The following NOTCH3 variants were observed in gnomAD, a reference collection of about 807,000 sequenced individuals.
NOTCH3 encodes notch receptor 3, also known as neurogenic locus notch homolog protein 3.
NOTCH3 carries 86 observed loss-of-function variants against 213.3 expected under a neutral mutation model. The observed-to-expected ratio is 0.40, with a 90% CI of 0.34 to 0.48. NOTCH3 has a LOEUF of 0.48. NOTCH3 is among the 20% of genes least tolerant of loss of function. The pLI, the probability that NOTCH3 is intolerant of heterozygous loss-of-function variation, is 0.57. For synonymous variants in NOTCH3, 1,354 were observed against 1,355.9 expected (o/e 1.00, Z 0.03); for missense variants, 2,783 against 3,272.6 (o/e 0.85, Z 3.65).
chr19:15,193,853 G>T (rs1025411696), intron 2 of NOTCH3, among the ~76,000 whole-genome samples: 2 of 151,634 alleles, frequency 1.3e-5, no homozygotes, highest in African/African-American at 4.9e-5. Context: ...GGAGACTGAG[G>T]TGGGCGGATC....
intron 12 of NOTCH3, among the ~76,000 whole-genome samples, chr19:15,186,403 G>T (rs2145431602): frequency 6.6e-6 from 1 of 150,722 alleles, no homozygotes; most frequent in Non-Finnish European, 1.5e-5. Flanking sequence ...GTGTGTGTGT[G>T]TGTGTGTGTG....
chr19:15,180,654 C>T (rs368598377), intron 19 of NOTCH3, 27 bp downstream of exon 19: 1 of 1,544,154 alleles, frequency 6.5e-7, no homozygotes, highest in Non-Finnish European at 8.7e-7. Flanking sequence ...CAAGGCCCCA[C>T]ACGCCCGCCC....
At position 15,197,544 on chromosome 19, in the gene NOTCH3, A is replaced by G; in HGVS notation, c.153T>C (p.Asn51=). The G allele has an allele frequency of 4.4e-6, 7 of 1,586,892 alleles. No homozygotes were observed. The highest frequency in any genetic ancestry group is 6.0e-6 in the Non-Finnish European group (7 of 1,165,710). Residue 51 remains asparagine (N), a synonymous_variant, in exon 2 of 33, where the codon AAT becomes AAC. Transcript: ENST00000263388. ...AGGGCAGCTGGGTGCAACGACCTCC[A>G]TTTGCACACGGGCTTCCGTCCAGGC... ...PPCLDGSPCA[N]GGRCTQLPSR...
chr19:15,186,737 T>C (rs2046884789), intron 12 of NOTCH3, 141 bp downstream of exon 12: 1 of 753,368 alleles, frequency 1.3e-6, no homozygotes, highest in Non-Finnish European at 2.3e-6. Context: ...CTTATGCCAA[T>C]GAGACAGCAC....
intron 25 of NOTCH3, among the ~76,000 whole-genome samples, chr19:15,172,086 G>A (rs1464899465): frequency 6.6e-6 from 1 of 152,144 alleles, no homozygotes; most frequent in Admixed American, 6.5e-5. Context: ...AGTATACACA[G>A]GGTTTCTCCA....
At position 15,191,548 on chromosome 19, in the gene NOTCH3, A is replaced by G. The variant is rs1372388350; in HGVS notation, c.912T>C (p.Asn304=). 6.2e-7 allele frequency: 1 copy of G among 1,613,608 alleles called. No homozygotes were observed. The highest frequency in any genetic ancestry group is 8.5e-7 in the Non-Finnish European group (1 of 1,180,030). Reference sequence around the variant, plus strand: ...GACTGCAGCTCTCGCCTGTCCAGCCATTGACACACACGCAGCTGTGGCCAC... The same window carrying G: ...GACTGCAGCTCTCGCCTGTCCAGCCGTTGACACACACGCAGCTGTGGCCAC... The part of the protein sequence containing the change: ...TLGGHSCVCV[N]GWTGESCSQN... Residue 304 remains asparagine (N), a synonymous_variant, in exon 6 of 33, where the codon AAT becomes AAC. Transcript: ENST00000263388.
In NOTCH3 at chr19:15,185,950, G is replaced by A. The variant is rs141965536; in HGVS notation, c.1952-271C>T. 1.7e-4 allele frequency among the ~76,000 whole-genome samples: 26 copies of A among 151,308 alleles called. No individual in the cohort carries two copies. The East Asian group carries it at 4.9e-3, about 29-fold the overall frequency. On this transcript the variant is annotated intron_variant, in intron 12 of 32. Transcript: ENST00000263388. The surrounding 1 kb of genome is among the most constrained non-coding windows in gnomAD (Gnocchi z 4.2). ...GAGATGGGGTCTCACTCTGTCGCCC[G>A]GGCTGGACTGCAGTGGCATGATCAT... is the stretch of plus-strand genomic sequence containing the variant.
At chr19:15,178,286 AC>A in intron 23 of NOTCH3, 196 bp from the exon 24 acceptor site, 1 of 532,650 alleles carries the variant, frequency 1.9e-6, no homozygotes, top group Non-Finnish European at 3.3e-6. Context: ...CACACTGGAG[AC>A]CCCACCTGGC....
Position 15,161,040 on chromosome 19 carries a change from G to T in NOTCH3, c.6588C>A (p.Leu2196=). The part of the protein sequence containing the change: ...LLPLAPGPQL[L]NPGTPVSPQE... The stretch of plus-strand genomic sequence containing the variant: ...GCGGGGAGACGGGGGTCCCTGGGTT[G>T]AGCAGCTGGGGTCCCGGCGCCAGTG... The change falls in exon 33 of 33, where the codon CTC becomes CTA. Residue 2196 remains leucine, a synonymous_variant. Coordinates refer to ENST00000263388, the MANE Select transcript of NOTCH3 (RefSeq NM_000435.3). 1 of 1,539,186 alleles carries T rather than the reference G, an allele frequency of 6.5e-7. No homozygotes were observed. Among genetic ancestry groups the T allele is most frequent in the East Asian group, 2.4e-5 (1 of 41,874 alleles).
chr19:15,197,574 G>T lies in NOTCH3; in HGVS notation c.123C>A (p.Pro41=). The T allele has an allele frequency of 1.2e-6, 2 of 1,611,654 alleles. No individual in the cohort carries two copies. The highest frequency in any genetic ancestry group is 8.5e-7 in the Non-Finnish European group (1 of 1,179,808). The change falls in exon 2 of 33, where the codon CCC becomes CCA. Residue 41 remains proline, a synonymous_variant. Coordinates refer to ENST00000263388, the MANE Select transcript of NOTCH3 (RefSeq NM_000435.3). The part of the protein sequence containing the change: ...LLLAGPGAAA[P]PCLDGSPCAN... Reference sequence around the variant, plus strand: ...CACACGGGCTTCCGTCCAGGCAAGGGGGGGCTGTGTGGGGGTGAAGGAAGG... The same window carrying T: ...CACACGGGCTTCCGTCCAGGCAAGGTGGGGCTGTGTGGGGGTGAAGGAAGG...
At chr19:15,161,853 G>A (rs1465831867) in intron 32 of NOTCH3, 139 bp from the exon 33 acceptor site, 5 of 708,482 alleles carry the variant, frequency 7.1e-6, no homozygotes, top group South Asian at 1.9e-5. Context: ...GGCTGTGCTG[G>A]GGGAGCCTGG....
At position 15,177,943 on chromosome 19, in the gene NOTCH3, C is replaced by T; in HGVS notation, c.3985G>A (p.Gly1329Arg). 7.6e-7 allele frequency: 1 copy of T among 1,307,358 alleles called. No individual in the cohort carries two copies. Among genetic ancestry groups the T allele is most frequent in the Non-Finnish European group, 9.7e-7 (1 of 1,031,486 alleles). 81.0% of individuals were successfully genotyped at this position (1,307,358 alleles called of 1,614,324 possible). A position where few individuals can be genotyped will look rare whatever the true frequency, so the allele number is the denominator to read the frequency against. ...LSGPSCRSFP[G>R]SPPGASNASC... is the part of the protein sequence containing the mutation. ...GCGTTGCTGGCCCCCGGCGGCGACCCCGGGAAGCTGCGGCAGGAGGGTCCC... is the reference window on the plus strand; with the variant it reads ...GCGTTGCTGGCCCCCGGCGGCGACCTCGGGAAGCTGCGGCAGGAGGGTCCC... The change falls in exon 24 of 33, where the codon GGG becomes AGG. Residue 1329 changes from glycine to arginine, a missense_variant. Physicochemically the swap from Gly to Arg is moderately radical, Grantham distance 125. Transcript: ENST00000263388.
chr19:15,184,886 A>G lies in NOTCH3; in HGVS notation c.2410+20T>C. On this transcript the variant is annotated intron_variant, in intron 15 of 32. Coordinates refer to ENST00000263388, the MANE Select transcript of NOTCH3 (RefSeq NM_000435.3). Reference sequence around the variant, plus strand: ...GCAGAGGAGATGGAGAGGAGGAGGGAAGAGAAGCAGGTGGCATACCTTGCC... The same window carrying G: ...GCAGAGGAGATGGAGAGGAGGAGGGGAGAGAAGCAGGTGGCATACCTTGCC... 7.4e-7 allele frequency: 1 copy of G among 1,348,436 alleles called. No individual in the cohort carries two copies. The highest frequency in any genetic ancestry group is 1.0e-6 in the Non-Finnish European group (1 of 961,872). 83.5% of individuals were successfully genotyped at this position (1,348,436 alleles called of 1,614,324 possible). A position where few individuals can be genotyped will look rare whatever the true frequency, so the allele number is the denominator to read the frequency against.
chr19:15,190,671 C>T (rs1410791090), intron 6 of NOTCH3, among the ~76,000 whole-genome samples: 1 of 152,226 alleles, frequency 6.6e-6, no homozygotes, highest in Non-Finnish European at 1.5e-5. Flanking sequence ...CTGCAACCTC[C>T]ACCTTCTGGG....
chr19:15,170,554 C>T lies in NOTCH3; in HGVS notation c.4892-1G>A. The T allele has an allele frequency of 1.9e-6, 3 of 1,608,334 alleles. No individual in the cohort carries two copies. Among genetic ancestry groups the T allele is most frequent in the Non-Finnish European group, 2.5e-6 (3 of 1,179,344 alleles). ...GGTTCTGGAGGCTCCAGCGGCTCCC[C>T]TAAGAGCAGGAAGCAGAGGGCGGGG... is the stretch of plus-strand genomic sequence containing the variant. On this transcript the variant is annotated splice_acceptor_variant, in intron 26 of 32. Coordinates refer to ENST00000263388, the MANE Select transcript of NOTCH3 (RefSeq NM_000435.3). LOFTEE classifies it high-confidence loss of function.
rs926546517 is a variant in NOTCH3 at position 15,170,405 on chromosome 19, G to C, written c.5040C>G (p.Phe1680Leu). Residue 1680 changes from phenylalanine (F) to leucine (L), a missense_variant, in exon 27 of 33, where the codon TTC becomes TTG. Phe to Leu is a conservative substitution (Grantham distance 22). Coordinates refer to ENST00000263388, the MANE Select transcript of NOTCH3 (RefSeq NM_000435.3). ...EHSTLWFPEG[F>L]SLHKDVASGH... ...CAGAGGCCACGTCCTTGTGCAGTGA[G>C]AAGCCCTCAGGGAACCAGAGGGTGC... 2 of 1,613,616 alleles carry C rather than the reference G, an allele frequency of 1.2e-6. No individual in the cohort carries two copies. The highest frequency in any genetic ancestry group is 2.2e-5 in the South Asian group (2 of 91,092).
intron 25 of NOTCH3, among the ~76,000 whole-genome samples, chr19:15,171,801 C>T (rs527445921): frequency 4.6e-5 from 7 of 152,238 alleles, no homozygotes; most frequent in Non-Finnish European, 1.0e-4. Context: ...TCCTGAGTAG[C>T]TGGGATTACA....
intron 1 of NOTCH3, among the ~76,000 whole-genome samples, chr19:15,198,993 T>C (rs774166968): frequency 3.3e-5 from 5 of 151,866 alleles, no homozygotes; most frequent in Admixed American, 6.6e-5. Flanking sequence ...AACCTGAGCA[T>C]GGGCCTACAT....
chr19:15,187,790 G>C, intron 10 of NOTCH3, 91 bp downstream of exon 10: 1 of 1,049,740 alleles, frequency 9.5e-7, no homozygotes, highest in South Asian at 1.4e-5. Flanking sequence ...CTACAACCCC[G>C]CCCCCAAGCT....
Sources: gnomAD v4.1 joint callset for allele counts (sites outside exome capture counted in the v4.1 genomes callset) on GRCh38, gnomAD v4.1.1 for gene constraint, Gnocchi (gnomAD v3.1) non-coding constraint, MANE v1.5 for transcripts, NCBI Gene and HGNC (gene_info 2026-07-23, HGNC 2026-07-21) for gene names.